TNS2: variants seen among roughly 807,000 people sequenced by gnomAD.
TNS2 encodes the protein tensin-2.
A neutral mutation model predicts 155.7 loss-of-function variants in TNS2; 77 were observed. That is an observed-to-expected ratio of 0.49 (90% confidence interval 0.41 to 0.60). The LOEUF (loss-of-function observed/expected upper bound fraction) is 0.60. TNS2 is among the 20% of genes least tolerant of loss of function. The probability of loss-of-function intolerance (pLI) is 0.00; values close to 1 mark genes in which losing one functional copy is unlikely to be tolerated. For synonymous variants in TNS2, 726 were observed against 763.9 expected (o/e 0.95, Z 0.82); for missense variants, 1,703 against 1,868.8 (o/e 0.91, Z 1.64).
intron 2 of TNS2, 68 bp from the exon 3 acceptor site, chr12:53,052,387 G>T: frequency 6.3e-7 from 1 of 1,586,270 alleles, no homozygotes; most frequent in South Asian, 1.1e-5. Flanking sequence ...TGGGAGATGA[G>T]GGAAGGCCAT....
chr12:53,060,202 G>T lies in TNS2; in HGVS notation c.2561G>T (p.Gly854Val), dbSNP rs757426265. 2 of 1,580,250 alleles carry T rather than the reference G, an allele frequency of 1.3e-6. No individual in the cohort carries two copies. The highest frequency in any genetic ancestry group is 2.7e-5 in the African/African-American group (2 of 74,342). The change falls in exon 18 of 29, where the codon GGG becomes GTG. Residue 854 changes from glycine to valine, a missense_variant. By Grantham distance (109) the Gly-to-Val change is moderately radical. Coordinates refer to ENST00000314250, the MANE Select transcript of TNS2 (RefSeq NM_170754.4). This position sits in a 1 kb window ranked among gnomAD's most constrained non-coding sequence, Gnocchi z 6.1. ...LSYEIPTEEG[G>V]DRYPLPGHLA... ...TACGAGATCCCTACGGAGGAGGGAG[G>T]GGACAGGTACCCATTGCCTGGGCAC... is the stretch of plus-strand genomic sequence containing the variant.
upstream of TNS2, among the ~76,000 whole-genome samples, chr12:53,047,716 AG>A (rs1320385254): frequency 2.0e-5 from 3 of 152,076 alleles, no homozygotes; most frequent in African/African-American, 7.2e-5. Flanking sequence ...CCGGCCTGGC[AG>A]GGTGCGGGCG....
upstream of TNS2, chr12:53,049,045 G>A (rs1943825354): frequency 1.2e-6 from 1 of 860,128 alleles, no homozygotes; most frequent in Non-Finnish European, 1.8e-6. Flanking sequence ...TTAGCTTTTA[G>A]GAAGATTACT....
At chr12:53,058,266 C>T (rs775328809) in intron 14 of TNS2, 50 bp from the exon 15 acceptor site, 4 of 1,607,382 alleles carry the variant, frequency 2.5e-6, no homozygotes, top group African/African-American at 2.7e-5. Context: ...AGGGTGGAAG[C>T]GCAGAAGAGG....
intron 25 of TNS2, 154 bp downstream of exon 25, chr12:53,062,851 G>A: frequency 9.8e-7 from 1 of 1,019,098 alleles, no homozygotes; most frequent in Non-Finnish European, 1.4e-6. Flanking sequence ...TGAGGAATTG[G>A]GTCCTCAGCC....
chr12:53,050,271 C>T lies in TNS2; in HGVS notation c.75+11C>T, dbSNP rs767978999. 8.1e-6 allele frequency: 13 copies of T among 1,597,774 alleles called. No individual in the cohort carries two copies. The highest frequency in any genetic ancestry group is 1.1e-5 in the Non-Finnish European group (13 of 1,172,532). On this transcript the variant is annotated intron_variant, in intron 1 of 28. Transcript: ENST00000314250. This position sits in a 1 kb window ranked among gnomAD's most constrained non-coding sequence, Gnocchi z 4.7. Reference sequence around the variant, plus strand: ...CGGGCCGCAAGCAGGGTAGGAGTGCCCACCAGCTGGGCAAAAGAGGGGCAG... The same window carrying T: ...CGGGCCGCAAGCAGGGTAGGAGTGCTCACCAGCTGGGCAAAAGAGGGGCAG...
rs762310589 is a variant in TNS2 at position 53,063,457 on chromosome 12, G to A, written c.4061+40G>A. The A allele has an allele frequency of 8.7e-6, 14 of 1,612,590 alleles. No homozygotes were observed. The highest frequency in any genetic ancestry group is 1.1e-5 in the Non-Finnish European group (13 of 1,179,942). On this transcript the variant is annotated intron_variant, in intron 27 of 28. Coordinates refer to ENST00000314250, the MANE Select transcript of TNS2 (RefSeq NM_170754.4). This position sits in a 1 kb window ranked among gnomAD's most constrained non-coding sequence, Gnocchi z 5.6. ...AAACCCTTTGCCCCAAATCCCCATG[G>A]TCCCACCAGGTCCCAGCTCCCAGCC...
At position 53,061,104 on chromosome 12, in the gene TNS2, T is replaced by TGG; in HGVS notation, c.3199_3200dup (p.Leu1068AlafsTer88). 1 of 1,611,616 alleles carries TGG rather than the reference T, an allele frequency of 6.2e-7. No individual in the cohort carries two copies. The highest frequency in any genetic ancestry group is 8.5e-7 in the Non-Finnish European group (1 of 1,178,894). On this transcript the variant is annotated frameshift_variant, in exon 20 of 29. Coordinates refer to ENST00000314250, the MANE Select transcript of TNS2 (RefSeq NM_170754.4). LOFTEE classifies it high-confidence loss of function. ...CCCTGGCTGCCTCCTATGACACCAA[T>TGG]GGCCTTAGCCAGCCCCCACTTCCTG...
At chr12:53,053,175 TG>T in intron 3 of TNS2, 6 of 472,532 alleles carry the variant, frequency 1.3e-5, no homozygotes, top group Non-Finnish European at 1.5e-5. Flanking sequence ...GCTGGATGAA[TG>T]GGGGTCTGTG....
intron 1 of TNS2, among the ~76,000 whole-genome samples, chr12:53,051,367 G>A (rs570014405): frequency 2.0e-5 from 3 of 152,348 alleles, no homozygotes; most frequent in East Asian, 1.9e-4. Flanking sequence ...CCTGGAGCGT[G>A]GGGACAGCAG....
At chr12:53,051,831 C>A in intron 1 of TNS2, 24 bp from the exon 2 acceptor site, 1 of 1,595,784 alleles carries the variant, frequency 6.3e-7, no homozygotes. Flanking sequence ...GAACTCACAC[C>A]TCTGTTTGTC....
At chr12:53,047,823 CCA>C (rs1565598607), upstream of TNS2, among the ~76,000 whole-genome samples, 1 of 152,076 alleles carries the variant, frequency 6.6e-6, no homozygotes, top group African/African-American at 2.4e-5. Flanking sequence ...GCGGCCCCCT[CCA>C]GTCTGCCCCC....
chr12:53,058,067 C>T lies in TNS2; in HGVS notation c.1060C>T (p.Leu354=). The stretch of plus-strand genomic sequence containing the variant: ...TGGTCCCCAGCAGCTTTGCATCAGC[C>T]TGGAGCCAGCCCTCCTCCTCAAAGG... ...GPGPQQLCIS[L]EPALLLKGDV... The change falls in exon 14 of 29, where the codon CTG becomes TTG. Residue 354 remains leucine, a synonymous_variant. Transcript: ENST00000314250. 6.2e-7 allele frequency: 1 copy of T among 1,614,174 alleles called. No individual in the cohort carries two copies. The highest frequency in any genetic ancestry group is 2.2e-5 in the East Asian group (1 of 44,876).
In TNS2 at chr12:53,057,801, G is replaced by A. The variant is rs770886598; in HGVS notation, c.987G>A (p.Gln329=). ...TCCAGCCCTTCCTTAAAATCTACCA[G>A]TCCATGCAGCTTGTCTACACATCTG... ...TGFQPFLKIY[Q]SMQLVYTSGV... is the part of the protein sequence containing the mutation. Residue 329 remains glutamine (Q), a synonymous_variant, in exon 13 of 29, where the codon CAG becomes CAA. Transcript: ENST00000314250. 5.0e-6 allele frequency: 8 copies of A among 1,614,020 alleles called. No homozygotes were observed. The highest frequency in any genetic ancestry group is 6.8e-6 in the Non-Finnish European group (8 of 1,180,026).
In TNS2 at chr12:53,052,470, C is replaced by T. The variant is rs751291917; in HGVS notation, c.200C>T (p.Thr67Met). Residue 67 changes from threonine (T) to methionine (M), a missense_variant, in exon 3 of 29, where the codon ACG becomes ATG. By Grantham distance (81) the Thr-to-Met change is moderately conservative. Transcript: ENST00000314250. ...GVSCRVCKVA[T>M]HRKCEAKVTS... The stretch of plus-strand genomic sequence containing the variant: ...CCTTCCCTAGTCTGCAAGGTGGCGA[C>T]GCACAGAAAATGTGAAGCAAAGGTG... 50 of 1,613,996 alleles carry T rather than the reference C, an allele frequency of 3.1e-5. No individual in the cohort carries two copies. The South Asian group carries it at 3.6e-4, about 12-fold the overall frequency.
Position 53,064,201 on chromosome 12 carries a change from A to G in TNS2, c.*319A>G, listed in dbSNP as rs2280445. 363 of 330,642 alleles carry G rather than the reference A, an allele frequency of 1.1e-3. 7 individuals are homozygous for G. In the East Asian group the frequency reaches 0.022, roughly 20 times the overall value. 20.5% of individuals were successfully genotyped at this position (330,642 alleles called of 1,614,324 possible). A position where few individuals can be genotyped will look rare whatever the true frequency, so the allele number is the denominator to read the frequency against. On this transcript the variant is annotated 3_prime_UTR_variant, in exon 29 of 29. Transcript: ENST00000314250. ...CAGGAGAACGTCAGCCCTCCAGGGG[A>G]TCAGCCCCTGCCAGTTCCACCCAGC...
At position 53,062,161 on chromosome 12, in the gene TNS2, G is replaced by A. The variant is rs376368358; in HGVS notation, c.3583G>A (p.Val1195Met). ...PSAQPWKGDP[V>M]EQLVRHFLIE... is the part of the protein sequence containing the mutation. ...CCCTCGCCTCCTCTCAGGGGACCCC[G>A]TGGAACAGCTGGTCCGCCATTTCCT... The change falls in exon 23 of 29, where the codon GTG becomes ATG. Residue 1195 changes from valine (V) to methionine (M), a missense_variant. By Grantham distance (21) the Val-to-Met change is conservative (BLOSUM62 1). Coordinates refer to ENST00000314250, the MANE Select transcript of TNS2 (RefSeq NM_170754.4). The A allele has an allele frequency of 2.6e-5, 42 of 1,613,986 alleles. No homozygotes were observed. Among genetic ancestry groups the A allele is most frequent in the Middle Eastern group, 3.3e-4 (2 of 6,060 alleles).
rs960912295 is a variant in TNS2 at position 53,054,368 on chromosome 12, A to G, written c.449A>G (p.Asp150Gly). 5 of 1,612,506 alleles carry G rather than the reference A, an allele frequency of 3.1e-6. No individual in the cohort carries two copies. Among genetic ancestry groups the G allele is most frequent in the Non-Finnish European group, 4.2e-6 (5 of 1,179,762 alleles). The change falls in exon 7 of 29, where the codon GAT (aspartate) becomes GGT (glycine). Residue 150 changes from aspartate to glycine, a missense_variant. Transcript: ENST00000314250. ...GCCGCCGCCTTCCCCGCGCGGCCCG[A>G]TGAACAGCGGCACCGGGGCCACCTG... ...ILAAAFPARP[D>G]EQRHRGHLRE...
At position 53,059,121 on chromosome 12, in the gene TNS2, C is replaced by G; in HGVS notation, c.1480C>G (p.Pro494Ala). Reference sequence around the variant, plus strand: ...GGTGCAGCGGCCTCCCCGGCAGACCCCCCCGGCACCCTCTCCAGAGCCTCC... The same window carrying G: ...GGTGCAGCGGCCTCCCCGGCAGACCGCCCCGGCACCCTCTCCAGAGCCTCC... ...AQVQRPPRQTPPAPSPEPPPP... is the reference protein window; with the variant it reads ...AQVQRPPRQTAPAPSPEPPPP... Residue 494 changes from proline (P) to alanine (A), a missense_variant, in exon 18 of 29, where the codon CCC (proline) becomes GCC (alanine). By Grantham distance (27) the Pro-to-Ala change is conservative (BLOSUM62 -1). Transcript: ENST00000314250. The surrounding 1 kb of genome is among the most constrained non-coding windows in gnomAD (Gnocchi z 4.7). 6.4e-7 allele frequency: 1 copy of G among 1,563,208 alleles called. No homozygotes were observed. The highest frequency in any genetic ancestry group is 8.6e-7 in the Non-Finnish European group (1 of 1,160,656).
Sources: gnomAD v4.1 joint callset for allele counts (sites outside exome capture counted in the v4.1 genomes callset) on GRCh38, gnomAD v4.1.1 for gene constraint, Gnocchi (gnomAD v3.1) non-coding constraint, MANE v1.5 for transcripts, NCBI Gene and HGNC (gene_info 2026-07-23, HGNC 2026-07-21) for gene names.